MMRN2: variants seen among roughly 807,000 people sequenced by gnomAD.
The protein encoded by MMRN2 is multimerin 2.
In MMRN2, 53 loss-of-function variants were observed where a neutral mutation model predicts 68.8. The observed-to-expected ratio is 0.77, with a 90% CI of 0.62 to 0.97. MMRN2 has a LOEUF of 0.97. MMRN2 is among the 50% of genes least tolerant of loss of function. The pLI, the probability that MMRN2 is intolerant of heterozygous loss-of-function variation, is 0.00. For missense variants in MMRN2, 1,266 were observed against 1,259.5 expected (o/e 1.01, Z -0.08); for synonymous variants, 564 against 551.6 (o/e 1.02, Z -0.32).
rs79370279 is a variant in MMRN2, at chr10:86,943,975, C to T, written c.809G>A (p.Arg270His). Residue 270 changes from arginine (R) to histidine (H), a missense_variant, in exon 6 of 7, where the codon CGC (arginine) becomes CAC (histidine). Transcript: ENST00000372027. This position sits in a 1 kb window ranked among gnomAD's most constrained non-coding sequence, Gnocchi z 4.2. ...RNLSLDVEANRQAISRVQDSA... is the reference protein window; with the variant it reads ...RNLSLDVEANHQAISRVQDSA... ...GTCCTGGACTCTGGAGATGGCCTGG[C>T]GGTTGGCCTCCACGTCAAGAGACAG... 6,555 of 1,614,084 alleles carry T rather than the reference C, an allele frequency of 4.1e-3. 266 individuals carry two copies. In the Admixed American group the frequency reaches 0.074, roughly 18 times the overall value.
At chr10:86,955,077 G>C (rs373008574) in intron 1 of MMRN2, among the ~76,000 whole-genome samples, 1 of 152,184 alleles carries the variant, frequency 6.6e-6, no homozygotes, top group East Asian at 1.9e-4. Flanking sequence ...CACCCTCTTG[G>C]GGGGACAGGA....
chr10:86,945,741 G>A, intron 1 of MMRN2, 52 bp from the exon 2 acceptor site: 1 of 1,612,050 alleles, frequency 6.2e-7, no homozygotes, highest in Non-Finnish European at 8.5e-7. Context: ...AGGTCAACAG[G>A]GGGTGCCAGT....
intron 4 of MMRN2, 27 bp from the exon 5 acceptor site, chr10:86,944,462 A>C: frequency 6.2e-7 from 1 of 1,611,514 alleles, no homozygotes; most frequent in Non-Finnish European, 8.5e-7. Context: ...CATAAATGTC[A>C]AGGGCTAACT....
Position 86,943,623 on chromosome 10 carries a change from C to A in MMRN2, c.1161G>T (p.Thr387=). The stretch of plus-strand genomic sequence containing the variant: ...ACTGCAACTCCTCCTCCCTGCGGGC[C>A]GTGGTCATGTGCAGCTCTGAGAGGT... ...QRNLSELHMT[T]ARREEELQYT... The change falls in exon 6 of 7, where the codon ACG becomes ACT. Residue 387 remains threonine, a synonymous_variant. Coordinates refer to ENST00000372027, the MANE Select transcript of MMRN2 (RefSeq NM_024756.3). This position sits in a 1 kb window ranked among gnomAD's most constrained non-coding sequence, Gnocchi z 4.2. The A allele has an allele frequency of 6.2e-7, 1 of 1,613,786 alleles. No individual in the cohort carries two copies. The highest frequency in any genetic ancestry group is 8.5e-7 in the Non-Finnish European group (1 of 1,179,994).
chr10:86,955,747 T>TGA (rs1844213551), intron 1 of MMRN2, among the ~76,000 whole-genome samples: 1 of 152,118 alleles, frequency 6.6e-6, no homozygotes, highest in East Asian at 1.9e-4. Context: ...CCGGGTTTGG[T>TGA]GAGAGAGCAT....
At chr10:86,948,941 G>C (rs1844107752) in intron 1 of MMRN2, 1 of 152,216 alleles carries the variant, frequency 6.6e-6, no homozygotes, top group African/African-American at 2.4e-5. Context: ...GAGCAAAAGA[G>C]CGAGACCTTG....
At chr10:86,949,020 A>AGTTACC (rs937604587) in intron 1 of MMRN2, 7 of 152,356 alleles carry the variant, frequency 4.6e-5, no homozygotes, top group Admixed American at 1.3e-4. Flanking sequence ...AAGCACCACC[A>AGTTACC]GTTACCTGCA....
chr10:86,944,967 G>A (rs1844044089), intron 4 of MMRN2, among the ~76,000 whole-genome samples: 1 of 152,244 alleles, frequency 6.6e-6, no homozygotes, highest in Non-Finnish European at 1.5e-5. Flanking sequence ...CCCAGAAGAT[G>A]GGGTGAAGGA....
Position 86,943,204 on chromosome 10 carries a change from TGCC to T in MMRN2, c.1577_1579del (p.Arg526del). ...GGCCTGCAGGGAGGAGCCGTCCAGC[TGCC>T]GCCGCTCGTCCAGGCTCACCTGGGT... is the stretch of plus-strand genomic sequence containing the variant. On this transcript the variant is annotated inframe_deletion, in exon 6 of 7. Coordinates refer to ENST00000372027, the MANE Select transcript of MMRN2 (RefSeq NM_024756.3). The surrounding 1 kb of genome is among the most constrained non-coding windows in gnomAD (Gnocchi z 4.2). The T allele has an allele frequency of 6.2e-7, 1 of 1,609,668 alleles. No individual in the cohort carries two copies. Among genetic ancestry groups the T allele is most frequent in the South Asian group, 1.1e-5 (1 of 90,996 alleles).
chr10:86,945,729 C>T (rs1406406237), intron 1 of MMRN2, 40 bp from the exon 2 acceptor site: 1 of 1,613,014 alleles, frequency 6.2e-7, no homozygotes, highest in Non-Finnish European at 8.5e-7. Flanking sequence ...TGAGCCACAC[C>T]CAGGTCAACA....
intron 6 of MMRN2, among the ~76,000 whole-genome samples, chr10:86,941,588 A>G (rs936365084): frequency 2.0e-5 from 3 of 152,022 alleles, no homozygotes; most frequent in Non-Finnish European, 4.4e-5. Context: ...ACTTGATCCC[A>G]GGAATTTGAG....
In MMRN2 at chr10:86,942,802, C is replaced by A; in HGVS notation, c.1982G>T (p.Arg661Leu). 7.4e-7 allele frequency: 1 copy of A among 1,358,382 alleles called. No homozygotes were observed. Among genetic ancestry groups the A allele is most frequent in the South Asian group, 1.7e-5 (1 of 57,640 alleles). The allele number at this position is 1,358,382 out of a possible 1,614,324, so 84.1% of individuals were successfully genotyped here. The change falls in exon 6 of 7, where the codon CGA (arginine) becomes CTA (leucine). Residue 661 changes from arginine (R) to leucine (L), a missense_variant. By Grantham distance (102) the Arg-to-Leu change is moderately radical (BLOSUM62 -2). Transcript: ENST00000372027. ...CGAGGCCTGCTCCAGGGCCGTCACT[C>A]GGGCGGCCAGCTCGTCCCAGCCGAG... ...QALGWDELAA[R>L]VTALEQASEP...
At chr10:86,945,349 G>C in intron 3 of MMRN2, 21 bp downstream of exon 3, 3 of 1,601,656 alleles carry the variant, frequency 1.9e-6, no homozygotes, top group Non-Finnish European at 2.6e-6. Context: ...AAGGGGGGAA[G>C]GGGGCCGCAG....
chr10:86,941,800 A>T (rs1589300482), intron 6 of MMRN2, among the ~76,000 whole-genome samples: 1 of 31,102 alleles, frequency 3.2e-5, no homozygotes, highest in Non-Finnish European at 7.5e-5. Flanking sequence ...ACCCATCTTA[A>T]AAAAAAAAAA....
chr10:86,945,920 C>T (rs557262791), intron 1 of MMRN2: 24 of 1,239,024 alleles, frequency 1.9e-5, no homozygotes, highest in African/African-American at 1.4e-4. Context: ...GAAGCCTCCC[C>T]GAGCCAGCAG....
intron 6 of MMRN2, among the ~76,000 whole-genome samples, chr10:86,941,556 A>G (rs1843966389): frequency 1.3e-5 from 2 of 152,048 alleles, no homozygotes; most frequent in Non-Finnish European, 2.9e-5. Context: ...CTAACACTTT[A>G]GGAGGCTGAG....
chr10:86,957,319 A>G, intron 1 of MMRN2, 59 bp downstream of exon 1: 4 of 1,571,898 alleles, frequency 2.5e-6, no homozygotes, highest in Non-Finnish European at 1.7e-6. Context: ...GCTCTGCTCT[A>G]GCTGAGCTGG....
intron 4 of MMRN2, 67 bp from the exon 5 acceptor site, chr10:86,944,502 GAGA>G (rs1844038016): frequency 3.9e-6 from 6 of 1,557,116 alleles, no homozygotes; most frequent in East Asian, 2.2e-5. Flanking sequence ...ACAAGGTTCA[GAGA>G]AGGAGAGTTG....
rs1748280680 is a variant in MMRN2 at position 86,940,511 on chromosome 10, C to T, written c.2467+1806G>A. ...TGCTGGGGAAATGGGAAAACGTTGA[C>T]TGCGTTCCTACATGAGGTAAGCCTC... is the stretch of plus-strand genomic sequence containing the variant. On this transcript the variant is annotated intron_variant, in intron 6 of 6. Coordinates refer to ENST00000372027, the MANE Select transcript of MMRN2 (RefSeq NM_024756.3). Among the ~76,000 whole-genome samples, 2 of 152,206 alleles carry T rather than the reference C, an allele frequency of 1.3e-5. 1 individual carries two copies. The highest frequency in any genetic ancestry group is 4.1e-4 in the South Asian group (2 of 4,834).
Sources: gnomAD v4.1 joint callset for allele counts (sites outside exome capture counted in the v4.1 genomes callset) on GRCh38, gnomAD v4.1.1 for gene constraint, Gnocchi (gnomAD v3.1) non-coding constraint, MANE v1.5 for transcripts, NCBI Gene and HGNC (gene_info 2026-07-23, HGNC 2026-07-21) for gene names.